Variants in GRID1 observed in about 807,000 individuals in gnomAD.
The protein encoded by GRID1 is glutamate ionotropic receptor delta type subunit 1, also known as glutamate receptor ionotropic, delta-1.
In GRID1, 28 loss-of-function variants were observed where a neutral mutation model predicts 98.0. The observed-to-expected ratio is 0.29, with a 90% CI of 0.21 to 0.39. The LOEUF is 0.39. GRID1 is among the 10% of genes least tolerant of loss of function. The pLI, the probability that GRID1 is intolerant of heterozygous loss-of-function variation, is 1.00. For synonymous variants in GRID1, 553 were observed against 538.5 expected, an observed-to-expected ratio of 1.03 and a Z score of -0.37; for missense variants, 1,111 against 1,340.5, an observed-to-expected ratio of 0.83 and a Z score of 2.67.
intron 2 of GRID1, among the ~76,000 whole-genome samples, chr10:86,351,641 G>A (rs1321169377): frequency 2.0e-5 from 3 of 152,172 alleles, no homozygotes; most frequent in Non-Finnish European, 4.4e-5. Flanking sequence ...CCTTCTCTTG[G>A]GAGAAGATCC....
At position 85,787,564 on chromosome 10, in the gene GRID1, C is replaced by T. The variant is rs185664449; in HGVS notation, c.1234-57950G>A. On this transcript the variant is annotated intron_variant, in intron 8 of 15. Coordinates refer to ENST00000327946, the MANE Select transcript of GRID1 (RefSeq NM_017551.3). ...GGAGGGAACAACAAGGGGCTGATGT[C>T]GTGGGTGTCTCCTGCCCAGCCAGCT... Among the ~76,000 whole-genome samples the T allele has an allele frequency of 1.3e-4, 20 of 152,254 alleles. No individual in the cohort carries two copies. In the East Asian group the frequency reaches 2.1e-3, roughly 16 times the overall value.
chr10:86,104,122 ACT>A (rs1189526114), intron 4 of GRID1, among the ~76,000 whole-genome samples: 1 of 152,042 alleles, frequency 6.6e-6, no homozygotes, highest in African/African-American at 2.4e-5. Context: ...GCACCACTCC[ACT>A]CTCTGCCCAC....
intron 2 of GRID1, 103 bp downstream of exon 2, chr10:86,363,838 G>A: frequency 1.0e-6 from 1 of 979,186 alleles, no homozygotes. Context: ...GAGGAACAGA[G>A]GGTGCCCTGC....
chr10:86,306,045 C>A (rs1847754632), intron 2 of GRID1, among the ~76,000 whole-genome samples: 1 of 152,180 alleles, frequency 6.6e-6, no homozygotes, highest in African/African-American at 2.4e-5. Context: ...AACACTTTTT[C>A]CTGCTGTCTC....
intron 2 of GRID1, among the ~76,000 whole-genome samples, chr10:86,295,416 G>A (rs1214424654): frequency 6.6e-6 from 1 of 152,174 alleles, no homozygotes; most frequent in African/African-American, 2.4e-5. Flanking sequence ...TCAGCAGTGA[G>A]CCCGAGCGTT....
chr10:85,842,727 C>T (rs929387100), intron 8 of GRID1, among the ~76,000 whole-genome samples: 7 of 152,086 alleles, frequency 4.6e-5, no homozygotes, highest in South Asian at 2.1e-4. Context: ...TCCCAATAAC[C>T]GTTAGAGAAA....
intron 8 of GRID1, among the ~76,000 whole-genome samples, chr10:85,791,135 G>A (rs769317446): frequency 6.6e-6 from 1 of 152,200 alleles, no homozygotes; most frequent in Admixed American, 6.5e-5. Context: ...GGTCCGAGCA[G>A]AACACAGATG....
At chr10:86,111,330 A>C (rs1844479287) in intron 4 of GRID1, among the ~76,000 whole-genome samples, 1 of 152,198 alleles carries the variant, frequency 6.6e-6, no homozygotes, top group South Asian at 2.1e-4. Flanking sequence ...ATGTGGATGC[A>C]GGGCTGTGTG....
chr10:85,656,446 T>C (rs1840895817), intron 12 of GRID1, among the ~76,000 whole-genome samples: 1 of 152,232 alleles, frequency 6.6e-6, no homozygotes, highest in South Asian at 2.1e-4. Flanking sequence ...TAGATGCATC[T>C]ATACATTGAT....
intron 2 of GRID1, among the ~76,000 whole-genome samples, chr10:86,322,827 C>G (rs1847989538): frequency 6.6e-6 from 1 of 151,364 alleles, no homozygotes; most frequent in Admixed American, 6.6e-5. Flanking sequence ...CACGGTGGCT[C>G]ATGACTGTAA....
At position 85,801,051 on chromosome 10, in the gene GRID1, A is replaced by G. The variant is rs116638226; in HGVS notation, c.1233+53445T>C. ...AGAGAAATAAAGAGTGACAACAAAC[A>G]AACAATATTATGATTTAAAAAGTGA... On this transcript the variant is annotated intron_variant, in intron 8 of 15. Coordinates refer to ENST00000327946, the MANE Select transcript of GRID1 (RefSeq NM_017551.3). Among the ~76,000 whole-genome samples, 733 of 152,200 alleles carry G rather than the reference A, an allele frequency of 4.8e-3. 6 individuals are homozygous for G. The highest frequency in any genetic ancestry group is 0.017 in the African/African-American group (701 of 41,590).
At chr10:86,086,421 C>A (rs376791030) in intron 4 of GRID1, among the ~76,000 whole-genome samples, 6 of 152,164 alleles carry the variant, frequency 3.9e-5, no homozygotes, top group African/African-American at 1.4e-4. Flanking sequence ...TTGGATCTAT[C>A]AGGAGATTGC....
chr10:85,791,794 T>A, intron 8 of GRID1, among the ~76,000 whole-genome samples: 1 of 151,976 alleles, frequency 6.6e-6, no homozygotes, highest in East Asian at 1.9e-4. Flanking sequence ...TAAGAAGAGA[T>A]ACAAGAGTTC....
At chr10:85,769,672 ATCCTGCACCTGGC>A (rs1255903436) in intron 8 of GRID1, among the ~76,000 whole-genome samples, 3 of 152,164 alleles carry the variant, frequency 2.0e-5, no homozygotes, top group Admixed American at 1.3e-4. Flanking sequence ...AGGAGATTAT[ATCCTGCACCTGGC>A]TCGGAGGGTC....
At chr10:85,689,201 A>T (rs1294797880) in intron 12 of GRID1, among the ~76,000 whole-genome samples, 1 of 152,246 alleles carries the variant, frequency 6.6e-6, no homozygotes, top group Non-Finnish European at 1.5e-5. Flanking sequence ...TTTGTAGAAT[A>T]GCAAATGTGC....
chr10:85,807,063 T>A (rs533134632), intron 8 of GRID1, among the ~76,000 whole-genome samples: 4 of 152,144 alleles, frequency 2.6e-5, no homozygotes, highest in Non-Finnish European at 5.9e-5. Flanking sequence ...AGAAAAATAA[T>A]CTTGGGCTGG....
chr10:86,061,566 G>A (rs1454062002), intron 4 of GRID1, among the ~76,000 whole-genome samples: 9 of 152,148 alleles, frequency 5.9e-5, no homozygotes. Context: ...TCTCCACTCA[G>A]CAAGGTGAAG....
intron 2 of GRID1, among the ~76,000 whole-genome samples, chr10:86,270,065 A>G (rs1847162105): frequency 6.6e-6 from 1 of 152,238 alleles, no homozygotes; most frequent in African/African-American, 2.4e-5. Context: ...TTATAATTGC[A>G]TTCAATGAAA....
intron 5 of GRID1, among the ~76,000 whole-genome samples, chr10:85,905,852 G>A (rs975167625): frequency 1.2e-4 from 18 of 152,072 alleles, no homozygotes; most frequent in Non-Finnish European, 2.4e-4. Flanking sequence ...GGAATCAAAG[G>A]AAATGAAACA....
Sources: gnomAD v4.1 joint callset for allele counts (sites outside exome capture counted in the v4.1 genomes callset) on GRCh38, gnomAD v4.1.1 for gene constraint, MANE v1.5 for transcripts, NCBI Gene and HGNC (gene_info 2026-07-23, HGNC 2026-07-21) for gene names.